The following KLHL5 variants were observed in gnomAD, a reference collection of about 807,000 sequenced individuals.
The protein encoded by KLHL5 is kelch like family member 5, also known as kelch-like protein 5.
Under a neutral mutation model 77.7 loss-of-function variants are expected in KLHL5, and 48 were observed. The ratio of observed to expected loss-of-function variants is 0.62; its 90% confidence interval spans 0.49 to 0.79. KLHL5 has a LOEUF of 0.79. KLHL5 is among the 30% of genes least tolerant of loss of function. The pLI, the probability that KLHL5 is intolerant of heterozygous loss-of-function variation, is 0.00. For missense variants in KLHL5, 723 were observed against 859.7 expected (o/e 0.84, Z 1.99); for synonymous variants, 260 against 297.0 (o/e 0.88, Z 1.28).
chr4:39,117,133 C>T lies in KLHL5; in HGVS notation c.2073+1803C>T, dbSNP rs533766707. On this transcript the variant is annotated intron_variant, in intron 10 of 10. Coordinates refer to ENST00000504108, the MANE Select transcript of KLHL5 (RefSeq NM_015990.5). Reference sequence around the variant, plus strand: ...TACAGGCATGAGCCACCATGCCCAGCCCCCAAAATTTTGAAAAATTAGCAA... The same window carrying T: ...TACAGGCATGAGCCACCATGCCCAGTCCCCAAAATTTTGAAAAATTAGCAA... Among the ~76,000 whole-genome samples, 15 of 152,252 alleles carry T rather than the reference C, an allele frequency of 9.9e-5. No homozygotes were observed. In the South Asian group the frequency reaches 2.1e-3, roughly 21 times the overall value.
intron 1 of KLHL5, among the ~76,000 whole-genome samples, chr4:39,071,653 T>C (rs904310390): frequency 2.0e-5 from 3 of 152,314 alleles, no homozygotes; most frequent in Non-Finnish European, 4.4e-5. Context: ...TCTTAGCATT[T>C]CCCCAGTTTC....
chr4:39,097,706 A>T (rs2109477005), intron 6 of KLHL5, among the ~76,000 whole-genome samples: 1 of 152,362 alleles, frequency 6.6e-6, no homozygotes, highest in South Asian at 2.1e-4. Flanking sequence ...GTTCCAGATT[A>T]TAGGAGACTA....
chr4:39,085,075 A>G (rs1436212018), intron 4 of KLHL5, among the ~76,000 whole-genome samples: 1 of 152,160 alleles, frequency 6.6e-6, no homozygotes, highest in East Asian at 1.9e-4. Context: ...GAGTTTCAAC[A>G]TTTTTGTAGA....
upstream of KLHL5, among the ~76,000 whole-genome samples, chr4:39,061,436 T>C (rs1717407100): frequency 1.3e-5 from 2 of 152,230 alleles, no homozygotes; most frequent in African/African-American, 4.8e-5. Flanking sequence ...TTTTACCTTA[T>C]CAAATATTTT....
At chr4:39,107,822 T>G (rs575225966) in intron 8 of KLHL5, 91 bp downstream of exon 8, 1 of 913,048 alleles carries the variant, frequency 1.1e-6, no homozygotes, top group African/African-American at 1.7e-5. Flanking sequence ...CATAAATACT[T>G]ACAGTGATTT....
In KLHL5 at chr4:39,086,605, A is replaced by C; in HGVS notation, c.991A>C (p.Ile331Leu). The C allele has an allele frequency of 6.2e-7, 1 of 1,614,036 alleles. No individual in the cohort carries two copies. The highest frequency in any genetic ancestry group is 8.5e-7 in the Non-Finnish European group (1 of 1,179,946). ...AKLLASDDMN[I>L]PNEETILNAL... ...GCTCTTGGCTAGTGATGACATGAAC[A>C]TTCCTAATGAGGAGACAATATTGAA... is the stretch of plus-strand genomic sequence containing the variant. The change falls in exon 5 of 11, where the codon ATT becomes CTT. Residue 331 changes from isoleucine (I) to leucine (L), a missense_variant. Coordinates refer to ENST00000504108, the MANE Select transcript of KLHL5 (RefSeq NM_015990.5).
In KLHL5 at chr4:39,103,348, G is replaced by C; in HGVS notation, c.1362G>C (p.Met454Ile). Residue 454 changes from methionine to isoleucine, a missense_variant, in exon 7 of 11, where the codon ATG (methionine) becomes ATC (isoleucine). Physicochemically the swap from Met to Ile is conservative, Grantham distance 10. Coordinates refer to ENST00000504108, the MANE Select transcript of KLHL5 (RefSeq NM_015990.5). Reference protein sequence around the residue: ...RTNMWTPVANMNGRRLQFGVA... With the variant: ...RTNMWTPVANINGRRLQFGVA... ...ATATGTGGACTCCAGTAGCAAATAT[G>C]AATGGGAGGAGGCTACAGTTCGGTG... 1.9e-6 allele frequency: 3 copies of C among 1,614,102 alleles called. No individual in the cohort carries two copies. Among genetic ancestry groups the C allele is most frequent in the South Asian group, 1.1e-5 (1 of 91,080 alleles).
rs1465392916 is a variant in KLHL5, at chr4:39,062,783, A to G, written c.131A>G (p.Gln44Arg). The G allele has an allele frequency of 1.9e-6, 3 of 1,614,190 alleles. No homozygotes were observed. The South Asian group carries it at 3.3e-5, about 18-fold the overall frequency. The change falls in exon 1 of 11, where the codon CAG becomes CGG. Residue 44 changes from glutamine (Q) to arginine (R), a missense_variant. Gln to Arg is a conservative substitution (Grantham distance 43). This residue lies in a region of KLHL5 where 221 missense variants were observed against 222.1 expected (regional missense o/e 1.00). Transcript: ENST00000504108. ...CAGGGAGAATTTTGGAACCGAGGAC[A>G]GACTGGAGCAAACGGTGGGAGAAAG... Reference protein sequence around the residue: ...SQQGEFWNRGQTGANGGRKFL... With the variant: ...SQQGEFWNRGRTGANGGRKFL...
At chr4:39,075,205 C>A (rs1479359526) in intron 1 of KLHL5, among the ~76,000 whole-genome samples, 2 of 151,966 alleles carry the variant, frequency 1.3e-5, no homozygotes, top group African/African-American at 2.4e-5. Flanking sequence ...GTGGTGCAAG[C>A]CTGTAATCTC....
the KLHL5 span, among the ~76,000 whole-genome samples, chr4:39,136,348 C>T: frequency 3.9e-5 from 6 of 151,974 alleles, no homozygotes; most frequent in Admixed American, 3.9e-4. Context: ...TTAGTAGAGA[C>T]GCGGTTTCAC....
chr4:39,062,226 T>C, upstream of KLHL5: 1 of 1,215,852 alleles, frequency 8.2e-7, no homozygotes, highest in South Asian at 2.2e-5. Flanking sequence ...CAGCAGAGAC[T>C]GAGATACTGC....
Position 39,122,919 on chromosome 4 carries a change from C to T in KLHL5, c.*1853C>T, listed in dbSNP as rs1186893370. ...ATAGTAATAAAATTTACCAGTAACA[C>T]CCAATCAGAAAATTTTGGTTCCTTA... On this transcript the variant is annotated 3_prime_UTR_variant, in exon 11 of 11. Transcript: ENST00000504108. Among the ~76,000 whole-genome samples, 4 of 151,868 alleles carry T rather than the reference C, an allele frequency of 2.6e-5. No individual in the cohort carries two copies. Among genetic ancestry groups the T allele is most frequent in the Non-Finnish European group, 5.9e-5 (4 of 67,962 alleles).
chr4:39,062,297 T>C lies in KLHL5; in HGVS notation c.-356T>C. On this transcript the variant is annotated 5_prime_UTR_variant, in exon 1 of 11. Coordinates refer to ENST00000504108, the MANE Select transcript of KLHL5 (RefSeq NM_015990.5). ...GTTTAAGAAAAAGGGGGTGGTGTTC[T>C]GCATTTGAAAGGACTTTAATGAATG... 1 of 1,364,172 alleles carries C rather than the reference T, an allele frequency of 7.3e-7. No individual in the cohort carries two copies. Among genetic ancestry groups the C allele is most frequent in the East Asian group, 2.8e-5 (1 of 35,244 alleles). 84.5% of individuals were successfully genotyped at this position (1,364,172 alleles called of 1,614,324 possible).
intron 5 of KLHL5, among the ~76,000 whole-genome samples, chr4:39,094,454 A>T (rs1468596609): frequency 6.6e-6 from 1 of 151,436 alleles, no homozygotes; most frequent in Non-Finnish European, 1.5e-5. Flanking sequence ...AAATAAATTT[A>T]AGTTCTTATT....
In KLHL5 at chr4:39,120,306, G is replaced by A. The variant is rs1411557619; in HGVS notation, c.2074-704G>A. 4 of 152,138 alleles carry A rather than the reference G, an allele frequency of 2.6e-5. No individual in the cohort carries two copies. In the East Asian group the frequency reaches 5.8e-4, roughly 22 times the overall value. 9.4% of individuals were successfully genotyped at this position (152,138 alleles called of 1,614,324 possible). On this transcript the variant is annotated intron_variant, in intron 10 of 10. Coordinates refer to ENST00000504108, the MANE Select transcript of KLHL5 (RefSeq NM_015990.5). ...AGTTCCTATTGTTCAAAAAAGAGGT[G>A]AAAGATTTAAGAATTGTTCTTTATC...
At chr4:39,134,588 T>G in the KLHL5 span, among the ~76,000 whole-genome samples, 1 of 152,216 alleles carries the variant, frequency 6.6e-6, no homozygotes. Context: ...CCAAGATACA[T>G]CCTCACCACA....
intron 5 of KLHL5, among the ~76,000 whole-genome samples, chr4:39,094,593 G>A (rs1720884823): frequency 6.6e-6 from 1 of 151,592 alleles, no homozygotes; most frequent in Non-Finnish European, 1.5e-5. Flanking sequence ...AAAAATACTG[G>A]GTATCAGAAT....
At chr4:39,129,277 G>A (rs1460023548), downstream of KLHL5, among the ~76,000 whole-genome samples, 1 of 150,286 alleles carries the variant, frequency 6.7e-6, no homozygotes, top group African/African-American at 2.4e-5. The surrounding 1 kb of genome is among the most constrained non-coding windows in gnomAD (Gnocchi z 4.2). Flanking sequence ...GCACAATCTC[G>A]GCTCACTGCA....
chr4:39,100,347 T>C (rs1033284280), intron 6 of KLHL5, among the ~76,000 whole-genome samples: 1 of 152,236 alleles, frequency 6.6e-6, no homozygotes, highest in Non-Finnish European at 1.5e-5. Flanking sequence ...TTTTTTCAAA[T>C]GGGCCTTATA....
Sources: allele counts gnomAD v4.1 joint callset (sites outside exome capture counted in the v4.1 genomes callset), GRCh38; gene constraint gnomAD v4.1.1; regional missense constraint gnomAD v4.1.1; non-coding constraint Gnocchi (gnomAD v3.1); transcripts MANE v1.5; gene names NCBI Gene and HGNC (gene_info 2026-07-23, HGNC 2026-07-21).